The following ESRRB variants were observed in gnomAD, a reference collection of about 807,000 sequenced individuals.
The protein encoded by ESRRB is steroid hormone receptor ERR2.
A neutral mutation model predicts 46.0 loss-of-function variants in ESRRB; 16 were observed. That is an observed-to-expected ratio of 0.35 (90% CI 0.24 to 0.53). ESRRB has a LOEUF of 0.53. ESRRB is among the 20% of genes least tolerant of loss of function. ESRRB has a pLI of 0.93. For synonymous variants in ESRRB, 246 were observed against 259.6 expected, an observed-to-expected ratio of 0.95 and a Z score of 0.50; for missense variants, 488 against 607.4, an observed-to-expected ratio of 0.80 and a Z score of 2.07.
chr14:76,466,666 G>A (rs1889123334), intron 3 of ESRRB, among the ~76,000 whole-genome samples: 1 of 151,912 alleles, frequency 6.6e-6, no homozygotes, highest in Non-Finnish European at 1.5e-5. Flanking sequence ...TGGGTTAGGA[G>A]TTGATGGCCT....
intron 1 of ESRRB, among the ~76,000 whole-genome samples, chr14:76,412,997 A>G (rs1211345470): frequency 1.3e-5 from 2 of 152,204 alleles, no homozygotes; most frequent in Non-Finnish European, 2.9e-5. Flanking sequence ...TTGTGCCTTT[A>G]GAAAAATAAA....
intron 2 of ESRRB, among the ~76,000 whole-genome samples, chr14:76,443,972 C>T (rs947558613): frequency 6.6e-6 from 1 of 152,144 alleles, no homozygotes; most frequent in Non-Finnish European, 1.5e-5. Flanking sequence ...GGTTTATATT[C>T]AGGACAGGGA....
intron 1 of ESRRB, among the ~76,000 whole-genome samples, chr14:76,389,794 TTAAA>T (rs1314704347): frequency 1.3e-5 from 2 of 152,220 alleles, no homozygotes; most frequent in African/African-American, 2.4e-5. Flanking sequence ...AAACTTATAA[TTAAA>T]TACATTGTAT....
chr14:76,456,049 CA>C (rs1888595208), intron 2 of ESRRB, among the ~76,000 whole-genome samples: 3 of 145,306 alleles, frequency 2.1e-5, no homozygotes, highest in Non-Finnish European at 3.1e-5. Flanking sequence ...CACACACACA[CA>C]CACACACACA....
chr14:76,316,589 G>A (rs1883803020), intron 1 of ESRRB, among the ~76,000 whole-genome samples: 1 of 152,054 alleles, frequency 6.6e-6, no homozygotes, highest in African/African-American at 2.4e-5. Flanking sequence ...TCTTCATGGG[G>A]CCACTTCTAG....
chr14:76,358,014 T>TA (rs895102939), intron 1 of ESRRB, among the ~76,000 whole-genome samples: 44 of 149,814 alleles, frequency 2.9e-4, no homozygotes, highest in South Asian at 6.4e-4. Context: ...TCCTGCAATT[T>TA]AAAAAAAAAA....
chr14:76,382,322 G>T (rs773379133), intron 1 of ESRRB, among the ~76,000 whole-genome samples: 2 of 152,228 alleles, frequency 1.3e-5, no homozygotes, highest in Non-Finnish European at 2.9e-5. Context: ...CCTTGGGATT[G>T]GTTCGTCCAT....
rs149127378 is a variant in ESRRB at position 76,412,189 on chromosome 14, G to A, written c.51-27152G>A. Among the ~76,000 whole-genome samples the A allele has an allele frequency of 6.1e-3, 922 of 152,314 alleles. 6 individuals are homozygous for A. Among genetic ancestry groups the A allele is most frequent in the Non-Finnish European group, 8.6e-3 (587 of 68,022 alleles). On this transcript the variant is annotated intron_variant, in intron 1 of 6. Coordinates refer to ENST00000644823, the MANE Select transcript of ESRRB (RefSeq NM_001379180.1). The stretch of plus-strand genomic sequence containing the variant: ...ACCTCGGACTCCGCCCTCACAGGAC[G>A]AAAAATCAAATCAGGAAGACTGAGA...
chr14:76,396,408 A>T (rs865801409), intron 1 of ESRRB, among the ~76,000 whole-genome samples: 1 of 152,188 alleles, frequency 6.6e-6, no homozygotes, highest in African/African-American at 2.4e-5. Flanking sequence ...AGTTAGCTGT[A>T]GGGAATGGGC....
At chr14:76,494,607 G>A (rs116402481) in intron 6 of ESRRB, among the ~76,000 whole-genome samples, 1,989 of 152,148 alleles carry the variant, frequency 0.013, 19 homozygotes, top group African/African-American at 0.03. Flanking sequence ...GCACCCGGCC[G>A]ACTGTGTTGT....
upstream of ESRRB, among the ~76,000 whole-genome samples, chr14:76,371,785 C>T (rs1035850317): frequency 2.6e-5 from 4 of 152,242 alleles, no homozygotes; most frequent in South Asian, 2.1e-4. Flanking sequence ...GTGAGGAAGC[C>T]GTCAAGTCCT....
chr14:76,491,335 GAC>G, intron 5 of ESRRB, 110 bp from the exon 6 acceptor site: 1 of 1,064,908 alleles, frequency 9.4e-7, no homozygotes, highest in Non-Finnish European at 1.4e-6. Flanking sequence ...GGGTGCCAGG[GAC>G]ACCCCGCAAC....
chr14:76,396,980 C>A (rs1045661930), intron 1 of ESRRB, among the ~76,000 whole-genome samples: 6 of 152,178 alleles, frequency 3.9e-5, no homozygotes, highest in Non-Finnish European at 8.8e-5. Flanking sequence ...TGTGTCTCTG[C>A]GGCCTCTCCT....
rs189295665 is a variant in ESRRB, at chr14:76,424,899, G to A, written c.51-14442G>A. ...TTACAGGCATGCACCACCACGCCCG[G>A]CTAATTTTTATATTTTTAGTAGAGA... On this transcript the variant is annotated intron_variant, in intron 1 of 6. Transcript: ENST00000644823. Among the ~76,000 whole-genome samples, 15 of 152,186 alleles carry A rather than the reference G, an allele frequency of 9.9e-5. No individual in the cohort carries two copies. In the Middle Eastern group the frequency reaches 0.01, roughly 104 times the overall value.
intron 1 of ESRRB, among the ~76,000 whole-genome samples, chr14:76,401,136 G>A (rs1885925269): frequency 6.6e-6 from 1 of 152,236 alleles, no homozygotes; most frequent in South Asian, 2.1e-4. Context: ...TAAACATCCT[G>A]TGTCATAGGA....
chr14:76,403,480 G>T (rs1184412476), intron 1 of ESRRB, among the ~76,000 whole-genome samples: 1 of 152,186 alleles, frequency 6.6e-6, no homozygotes, highest in Non-Finnish European at 1.5e-5. Flanking sequence ...ATGAGGGAAT[G>T]GGAGGAAGTA....
rs567915714 is a variant in ESRRB at position 76,473,734 on chromosome 14, A to C, written c.578-8282A>C. 9.1e-4 allele frequency among the ~76,000 whole-genome samples: 138 copies of C among 152,374 alleles called. 1 individual carries two copies. Among genetic ancestry groups the C allele is most frequent in the Middle Eastern group, 3.4e-3 (1 of 294 alleles). On this transcript the variant is annotated intron_variant, in intron 3 of 6. Transcript: ENST00000644823. The stretch of plus-strand genomic sequence containing the variant: ...AAGAAGGAATTATTTTACTTCCATT[A>C]AGAAAAATGTCAGAAACCTGATCTT...
Position 76,499,753 on chromosome 14 carries a change from C to A in ESRRB, c.*1295C>A. On this transcript the variant is annotated 3_prime_UTR_variant, in exon 7 of 7. Coordinates refer to ENST00000644823, the MANE Select transcript of ESRRB (RefSeq NM_001379180.1). The stretch of plus-strand genomic sequence containing the variant: ...CAGGACGTTTCTTTATCCCAGGAAA[C>A]TCCTCTACCCCAGGCACACGGGGAC... The A allele has an allele frequency of 1.0e-6, 1 of 958,042 alleles. No individual in the cohort carries two copies. Among genetic ancestry groups the A allele is most frequent in the Non-Finnish European group, 1.7e-6 (1 of 587,534 alleles). The allele number at this position is 958,042 out of a possible 1,614,324, so 59.3% of individuals were successfully genotyped here.
rs1566859605 is a variant in ESRRB at position 76,358,326 on chromosome 14, AGAAAGAAAGAAAGAAAGAAAGAAAGAAAG to A, written c.2+47411_2+47439del. Among the ~76,000 whole-genome samples, 5 of 34,024 alleles carry A rather than the reference AGAAAGAAAGAAAGAAAGAAAGAAAGAAAG, an allele frequency of 1.5e-4. 1 individual carries two copies. The highest frequency in any genetic ancestry group is 2.3e-4 in the Non-Finnish European group (5 of 21,564). The allele number at this position is 34,024 out of a possible 152,430, so 22.3% of individuals were successfully genotyped here. On this transcript the variant is annotated intron_variant, in intron 1 of 6. Transcript: ENST00000512784. ...GACTCTGTCTCAAAAAAAAAAAAAA[AGAAAGAAAGAAAGAAAGAAAGAAAGAAAG>A]AAAGAAAGAAAGAAAGAAAGAAAGA...
Sources: allele counts gnomAD v4.1 joint callset (sites outside exome capture counted in the v4.1 genomes callset), GRCh38; gene constraint gnomAD v4.1.1; transcripts MANE v1.5; gene names NCBI Gene and HGNC (gene_info 2026-07-23, HGNC 2026-07-21).